The following CLUL1 variants were observed in gnomAD, a reference collection of about 807,000 sequenced individuals.
The protein encoded by CLUL1 is clusterin-like protein 1.
Under a neutral mutation model 49.4 loss-of-function variants are expected in CLUL1, and 43 were observed. The ratio of observed to expected loss-of-function variants is 0.87; its 90% CI spans 0.68 to 1.12. The LOEUF (loss-of-function observed/expected upper bound fraction) is 1.12. Among genes scored for constraint, CLUL1 ranks in the 50% most tolerant of loss-of-function variants. The probability of loss-of-function intolerance (pLI) is 0.00; values close to 1 mark genes in which losing one functional copy is unlikely to be tolerated. For missense variants in CLUL1, 486 were observed against 544.4 expected, an observed-to-expected ratio of 0.89 and a Z score of 1.07; for synonymous variants, 192 against 184.9, an observed-to-expected ratio of 1.04 and a Z score of -0.31.
At position 625,766 on chromosome 18, in the gene CLUL1, C is replaced by T. The variant is rs139765629; in HGVS notation, c.423+734C>T. Among the ~76,000 whole-genome samples the T allele has an allele frequency of 7.7e-3, 1,170 of 152,260 alleles. 6 individuals are homozygous for T. The highest frequency in any genetic ancestry group is 0.011 in the Non-Finnish European group (754 of 68,018). ...GAATACAAAATTGAGTGGAATTTCA[C>T]GCTCCATATTAGAGCACATACTAAT... On this transcript the variant is annotated intron_variant, in intron 5 of 9. Transcript: ENST00000692774.
intron 8 of CLUL1, among the ~76,000 whole-genome samples, chr18:643,797 C>T (rs1598447968): frequency 6.6e-6 from 1 of 152,068 alleles, no homozygotes; most frequent in Admixed American, 6.6e-5. Flanking sequence ...CATTTAATAC[C>T]CTCAATGACC....
chr18:630,110 T>C (rs756875787), intron 6 of CLUL1, among the ~76,000 whole-genome samples: 6 of 152,164 alleles, frequency 3.9e-5, no homozygotes, highest in Non-Finnish European at 7.3e-5. Flanking sequence ...GACTTTATTT[T>C]TATTTATTTA....
chr18:599,898 A>T, intron 1 of CLUL1, among the ~76,000 whole-genome samples: 1 of 151,686 alleles, frequency 6.6e-6, no homozygotes, highest in Non-Finnish European at 1.5e-5. Context: ...CAGTGAGCCG[A>T]GATCGCGCCA....
At chr18:620,601 T>C (rs1031157338) in intron 4 of CLUL1, among the ~76,000 whole-genome samples, 1 of 152,244 alleles carries the variant, frequency 6.6e-6, no homozygotes, top group Non-Finnish European at 1.5e-5. Flanking sequence ...ATCTGACATA[T>C]GCATCTCAAG....
intron 1 of CLUL1, among the ~76,000 whole-genome samples, chr18:601,645 CAA>C (rs34502741): frequency 4.3e-5 from 6 of 138,696 alleles, no homozygotes; most frequent in East Asian, 2.1e-4. Flanking sequence ...GACTCCATCT[CAA>C]AAAAAAAAAA....
intron 6 of CLUL1, 95 bp downstream of exon 6, chr18:627,624 A>G: frequency 5.7e-6 from 5 of 875,580 alleles, no homozygotes; most frequent in East Asian, 2.6e-5. Flanking sequence ...GTCACATTGT[A>G]TAGCATTTCT....
chr18:625,842 A>ATGAATG (rs11281615), intron 5 of CLUL1, among the ~76,000 whole-genome samples: 8,018 of 152,272 alleles, frequency 0.053, 301 homozygotes, highest in African/African-American at 0.1. Context: ...AAAGGGAGCA[A>ATGAATG]CTACTAAGAT....
intron 4 of CLUL1, among the ~76,000 whole-genome samples, chr18:622,416 G>A (rs770871843): frequency 1.7e-4 from 26 of 152,156 alleles, no homozygotes; most frequent in Admixed American, 1.6e-3. Flanking sequence ...CTCACTTCCC[G>A]AGTAGCTGGG....
intron 4 of CLUL1, among the ~76,000 whole-genome samples, chr18:623,982 G>A (rs971830609): frequency 1.1e-4 from 16 of 152,148 alleles, no homozygotes; most frequent in African/African-American, 2.9e-4. Context: ...TCCCCTGCAC[G>A]ATATCTCGGC....
At chr18:625,206 T>A (rs149353849) in intron 5 of CLUL1, among the ~76,000 whole-genome samples, 174 bp downstream of exon 5, 250 of 152,310 alleles carry the variant, frequency 1.6e-3, no homozygotes, top group African/African-American at 5.8e-3. Context: ...ATACGCAATT[T>A]ATAAGGTAGA....
chr18:637,444 T>A (rs1364951484), intron 7 of CLUL1, among the ~76,000 whole-genome samples: 1 of 152,068 alleles, frequency 6.6e-6, no homozygotes, highest in Non-Finnish European at 1.5e-5. Flanking sequence ...GTTGGTCTTT[T>A]CTCCCCCTTC....
intron 5 of CLUL1, among the ~76,000 whole-genome samples, chr18:626,580 C>T (rs73364480): frequency 2.6e-4 from 40 of 151,518 alleles, no homozygotes; most frequent in African/African-American, 8.9e-4. Context: ...GGTCCAGGGC[C>T]GGGTGCAGTG....
At chr18:630,935 G>A (rs1035427463) in intron 6 of CLUL1, among the ~76,000 whole-genome samples, 6 of 151,294 alleles carry the variant, frequency 4.0e-5, no homozygotes, top group Non-Finnish European at 8.8e-5. Flanking sequence ...TGACCTAAAA[G>A]ACCAAACAAT....
intron 2 of CLUL1, among the ~76,000 whole-genome samples, chr18:617,595 CAA>C (rs11422881): frequency 3.7e-5 from 3 of 82,034 alleles, no homozygotes; most frequent in Non-Finnish European, 4.4e-5. Flanking sequence ...AACTCCGTCT[CAA>C]AAAAAAAAAA....
intron 2 of CLUL1, among the ~76,000 whole-genome samples, chr18:615,288 A>C (rs1216385631): frequency 6.6e-6 from 1 of 152,206 alleles, no homozygotes; most frequent in Admixed American, 6.5e-5. Context: ...GATATTTTCA[A>C]AGTAATTAGT....
rs114810144 is a variant in CLUL1, at chr18:606,336, C to T, written c.-135-642C>T. On this transcript the variant is annotated intron_variant, in intron 1 of 9. Transcript: ENST00000692774. The surrounding 1 kb of genome is among the most constrained non-coding windows in gnomAD (Gnocchi z 4.1). ...CCCACCACTGACTCTAGGGGAAAAA[C>T]AGCACAGGGCAGGAAACGATTTTCC... Among the ~76,000 whole-genome samples the T allele has an allele frequency of 3.4e-3, 520 of 152,326 alleles. 6 individuals are homozygous for T. The highest frequency in any genetic ancestry group is 0.012 in the African/African-American group (499 of 41,576).
intron 2 of CLUL1, among the ~76,000 whole-genome samples, chr18:615,899 T>G (rs2073273330): frequency 6.6e-6 from 1 of 152,172 alleles, no homozygotes. Flanking sequence ...AACTCCAGAC[T>G]GCATGTTGCT....
At chr18:628,795 C>G (rs2073894669) in intron 6 of CLUL1, among the ~76,000 whole-genome samples, 1 of 151,670 alleles carries the variant, frequency 6.6e-6, no homozygotes, top group South Asian at 2.1e-4. Flanking sequence ...CCACGCCTGG[C>G]TAATTTTTGT....
In CLUL1 at chr18:624,878, T is replaced by A. The variant is rs371171982; in HGVS notation, c.269T>A (p.Leu90His). 9 of 1,613,790 alleles carry A rather than the reference T, an allele frequency of 5.6e-6. No homozygotes were observed. The highest frequency in any genetic ancestry group is 6.8e-6 in the Non-Finnish European group (8 of 1,179,964). The stretch of plus-strand genomic sequence containing the variant: ...ACTTTTAACTAGGAGGCCCTGAAAC[T>A]TCTGAATGAAGTTCAAGAACATCTG... ...CREEKQEALK[L>H]LNEVQEHLEE... The change falls in exon 5 of 10, where the codon CTT (leucine) becomes CAT (histidine). Residue 90 changes from leucine to histidine, a missense_variant. Leu to His is a moderately conservative substitution (Grantham distance 99, BLOSUM62 -3). Coordinates refer to ENST00000692774, the MANE Select transcript of CLUL1 (RefSeq NM_001393344.1).
Sources: allele counts gnomAD v4.1 joint callset (sites outside exome capture counted in the v4.1 genomes callset), GRCh38; gene constraint gnomAD v4.1.1; non-coding constraint Gnocchi (gnomAD v3.1); transcripts MANE v1.5; gene names NCBI Gene and HGNC (gene_info 2026-07-23, HGNC 2026-07-21).